Variants in TOX observed in about 807,000 individuals in gnomAD.
The protein encoded by TOX is thymocyte selection-associated high mobility group box protein TOX.
A neutral mutation model predicts 53.7 loss-of-function variants in TOX; 11 were observed. The observed-to-expected ratio is 0.20, with a 90% CI of 0.13 to 0.34. The LOEUF (loss-of-function observed/expected upper bound fraction) is 0.34. Among genes scored for constraint, TOX ranks in the 10% least tolerant of loss-of-function variants. The pLI is 1.00. For synonymous variants in TOX, 225 were observed against 245.3 expected, an observed-to-expected ratio of 0.92 and a Z score of 0.77; for missense variants, 570 against 664.6, an observed-to-expected ratio of 0.86 and a Z score of 1.56.
At chr8:58,995,114 C>A (rs534724083) in intron 1 of TOX, among the ~76,000 whole-genome samples, 6 of 152,276 alleles carry the variant, frequency 3.9e-5, no homozygotes, top group African/African-American at 1.4e-4. Context: ...CTTTTCATCA[C>A]CAATATCACC....
At chr8:59,076,082 G>C (rs1804288592) in intron 1 of TOX, among the ~76,000 whole-genome samples, 1 of 151,988 alleles carries the variant, frequency 6.6e-6, no homozygotes, top group African/African-American at 2.4e-5. Flanking sequence ...GAGAGAAGAA[G>C]GCGCTGTAAA....
intron 4 of TOX, among the ~76,000 whole-genome samples, chr8:58,840,904 C>T (rs1365426022): frequency 6.6e-6 from 1 of 152,164 alleles, no homozygotes; most frequent in Non-Finnish European, 1.5e-5. Flanking sequence ...CCACTGGTTC[C>T]CTGACACCAC....
chr8:58,906,135 T>C (rs991621462), intron 3 of TOX, among the ~76,000 whole-genome samples: 1 of 152,178 alleles, frequency 6.6e-6, no homozygotes, highest in Non-Finnish European at 1.5e-5. Context: ...GGATGACTAT[T>C]ATATAAACAG....
intron 3 of TOX, among the ~76,000 whole-genome samples, chr8:58,864,842 G>A (rs961059262): frequency 2.0e-5 from 3 of 152,140 alleles, no homozygotes; most frequent in African/African-American, 4.8e-5. Context: ...AGACAAAATT[G>A]AAAGGGAAAA....
At chr8:59,063,033 A>C (rs1804016027) in intron 1 of TOX, among the ~76,000 whole-genome samples, 1 of 152,226 alleles carries the variant, frequency 6.6e-6, no homozygotes, top group Admixed American at 6.5e-5. Context: ...TGTTTTCAGT[A>C]AAAATAAGCT....
At chr8:58,922,527 CAA>C (rs1335691376) in intron 3 of TOX, among the ~76,000 whole-genome samples, 2 of 152,050 alleles carry the variant, frequency 1.3e-5, no homozygotes, top group Non-Finnish European at 1.5e-5. Context: ...TACACACACA[CAA>C]ACACACACAT....
chr8:59,075,638 A>G (rs998963655), intron 1 of TOX, among the ~76,000 whole-genome samples: 1 of 152,136 alleles, frequency 6.6e-6, no homozygotes, highest in African/African-American at 2.4e-5. Context: ...AGCAAAATAA[A>G]AAGGTATTTT....
At chr8:59,082,259 A>G (rs991781838) in intron 1 of TOX, among the ~76,000 whole-genome samples, 6 of 152,132 alleles carry the variant, frequency 3.9e-5, no homozygotes, top group Non-Finnish European at 8.8e-5. Context: ...GTTTGCTTTT[A>G]AAAAAAATCT....
At chr8:58,852,645 A>G (rs1810844342) in intron 3 of TOX, among the ~76,000 whole-genome samples, 2 of 152,214 alleles carry the variant, frequency 1.3e-5, no homozygotes, top group African/African-American at 4.8e-5. Context: ...ATTTCACTTA[A>G]CATTTCTCTG....
intron 1 of TOX, among the ~76,000 whole-genome samples, chr8:59,048,488 A>G (rs1447510869): frequency 1.3e-5 from 2 of 152,194 alleles, no homozygotes; most frequent in African/African-American, 4.8e-5. Context: ...AGCATAAAAC[A>G]TATAAATAAC....
At chr8:58,951,438 T>C (rs895484203) in intron 2 of TOX, among the ~76,000 whole-genome samples, 1 of 152,038 alleles carries the variant, frequency 6.6e-6, no homozygotes, top group Non-Finnish European at 1.5e-5. Flanking sequence ...TTTATCATCA[T>C]CTTTCAAAGC....
intron 4 of TOX, among the ~76,000 whole-genome samples, chr8:58,841,245 T>C (rs114169601): frequency 1.4e-4 from 21 of 152,340 alleles, no homozygotes; most frequent in African/African-American, 4.8e-4. Flanking sequence ...ATAGCACGTA[T>C]CAAGCTTGTA....
At chr8:59,082,787 A>T (rs1377523648) in intron 1 of TOX, among the ~76,000 whole-genome samples, 1 of 152,132 alleles carries the variant, frequency 6.6e-6, no homozygotes, top group Non-Finnish European at 1.5e-5. Flanking sequence ...TTTTCTTTTA[A>T]TATATCCTCA....
At chr8:59,076,318 G>T (rs970467885) in intron 1 of TOX, among the ~76,000 whole-genome samples, 14 of 152,176 alleles carry the variant, frequency 9.2e-5, no homozygotes, top group Non-Finnish European at 1.9e-4. Context: ...AAACTACCCA[G>T]AGATACAAGG....
chr8:59,030,979 A>C (rs1814345343), intron 1 of TOX, among the ~76,000 whole-genome samples: 1 of 152,212 alleles, frequency 6.6e-6, no homozygotes, highest in Non-Finnish European at 1.5e-5. Flanking sequence ...ATTAATTGTT[A>C]GTCAATCAAT....
intron 2 of TOX, among the ~76,000 whole-genome samples, chr8:58,951,667 C>T (rs1416047555): frequency 1.3e-5 from 2 of 152,118 alleles, no homozygotes; most frequent in Non-Finnish European, 2.9e-5. Flanking sequence ...GAAGGCCTCC[C>T]CTGAAATGCT....
rs575431594 is a variant in TOX at position 58,982,427 on chromosome 8, T to A, written c.103-22419A>T. Among the ~76,000 whole-genome samples, 48 of 152,350 alleles carry A rather than the reference T, an allele frequency of 3.2e-4. 2 individuals are homozygous for A. The South Asian group carries it at 5.2e-3, about 16-fold the overall frequency. ...TTTCATTCTTATGCCCTGCTGGACA[T>A]CTTCATCAAAGACGCCTATCAGAAT... On this transcript the variant is annotated intron_variant, in intron 1 of 8. Coordinates refer to ENST00000361421, the MANE Select transcript of TOX (RefSeq NM_014729.3).
At chr8:59,034,952 G>C (rs1267556100) in intron 1 of TOX, among the ~76,000 whole-genome samples, 4 of 152,112 alleles carry the variant, frequency 2.6e-5, no homozygotes, top group Non-Finnish European at 4.4e-5. Context: ...CTCAAGGTCA[G>C]GAAGTGGAAG....
At chr8:59,019,671 A>G (rs1161956640) in intron 1 of TOX, among the ~76,000 whole-genome samples, 1 of 152,228 alleles carries the variant, frequency 6.6e-6, no homozygotes, top group Admixed American at 6.5e-5. Context: ...TCATATAGAT[A>G]CAAATCATTT....
Sources: allele counts gnomAD v4.1 joint callset (sites outside exome capture counted in the v4.1 genomes callset), GRCh38; gene constraint gnomAD v4.1.1; transcripts MANE v1.5; gene names NCBI Gene and HGNC (gene_info 2026-07-23, HGNC 2026-07-21).